U2SURP: variants seen among roughly 807,000 people sequenced by gnomAD.
The protein encoded by U2SURP is U2 snRNP-associated SURP motif-containing protein.
U2SURP carries 9 observed loss-of-function variants against 144.9 expected under a neutral mutation model. That is an observed-to-expected ratio of 0.06 (90% confidence interval 0.04 to 0.11). The LOEUF is 0.11. U2SURP is among the 10% of genes least tolerant of loss of function. The pLI is 1.00. For synonymous variants in U2SURP, 408 were observed against 396.8 expected (o/e 1.03, Z -0.33); for missense variants, 724 against 1,226.7 (o/e 0.59, Z 6.12).
intron 21 of U2SURP, 136 bp downstream of exon 21, chr3:143,037,471 AT>A: frequency 1.1e-6 from 1 of 870,186 alleles, no homozygotes; most frequent in Non-Finnish European, 1.7e-6. Context: ...TCTATTTCTG[AT>A]TTTTTTCAAA....
chr3:143,053,535 A>T (rs1240908098), intron 25 of U2SURP, 141 bp from the exon 26 acceptor site: 5 of 468,364 alleles, frequency 1.1e-5, no homozygotes, highest in South Asian at 5.3e-5. Flanking sequence ...GAAGGGGTAG[A>T]TTTTTTTTTT....
chr3:143,021,648 C>T (rs1936640889), intron 10 of U2SURP, 93 bp downstream of exon 10: 7 of 1,226,442 alleles, frequency 5.7e-6, no homozygotes, highest in African/African-American at 1.5e-5. Flanking sequence ...CTGAAGCTGA[C>T]AAATCTGATG....
chr3:143,054,207 G>C (rs1237391978), intron 26 of U2SURP, among the ~76,000 whole-genome samples: 2 of 152,106 alleles, frequency 1.3e-5, no homozygotes, highest in Non-Finnish European at 2.9e-5. Flanking sequence ...TGTATACATA[G>C]GCCAAAGCTC....
At chr3:143,035,026 G>T in intron 19 of U2SURP, 51 bp downstream of exon 19, 1 of 275,888 alleles carries the variant, frequency 3.6e-6, no homozygotes, top group Non-Finnish European at 7.7e-6. Context: ...ATGGGTGGGG[G>T]GAGGGCATTG....
rs1311819808 is a variant in U2SURP, at chr3:143,058,376, T to C, written c.*1926T>C. The C allele has an allele frequency of 6.6e-6, 1 of 151,750 alleles. No homozygotes were observed. The highest frequency in any genetic ancestry group is 1.5e-5 in the Non-Finnish European group (1 of 67,758). The allele number at this position is 151,750 out of a possible 1,614,324, so 9.4% of individuals were successfully genotyped here. ...TAGAAAATTTTAGGTCAGTTTTGGGTGCTTATTTGTAATATTTTTCCTACT... is the reference window on the plus strand; with the variant it reads ...TAGAAAATTTTAGGTCAGTTTTGGGCGCTTATTTGTAATATTTTTCCTACT... On this transcript the variant is annotated 3_prime_UTR_variant, in exon 28 of 28. Coordinates refer to ENST00000473835, the MANE Select transcript of U2SURP (RefSeq NM_001080415.2).
intron 16 of U2SURP, among the ~76,000 whole-genome samples, chr3:143,029,662 C>G (rs1933366047): frequency 6.6e-6 from 1 of 152,174 alleles, no homozygotes; most frequent in African/African-American, 2.4e-5. Context: ...AAGAGTCTCA[C>G]TTCTCTCACG....
chr3:143,053,190 A>G (rs1934975534), intron 25 of U2SURP, among the ~76,000 whole-genome samples: 1 of 152,100 alleles, frequency 6.6e-6, no homozygotes, highest in African/African-American at 2.4e-5. Flanking sequence ...ACTTATGGAA[A>G]GGGCAGTACA....
Position 143,055,013 on chromosome 3 carries a change from C to A in U2SURP, c.2845C>A (p.Pro949Thr), listed in dbSNP as rs200513999. The A allele has an allele frequency of 6.2e-7, 1 of 1,609,140 alleles. No individual in the cohort carries two copies. Among genetic ancestry groups the A allele is most frequent in the Non-Finnish European group, 8.5e-7 (1 of 1,177,840 alleles). The change falls in exon 27 of 28, where the codon CCA becomes ACA. Residue 949 changes from proline to threonine, a missense_variant. Physicochemically the swap from Pro to Thr is conservative, Grantham distance 38 (BLOSUM62 -1). This residue lies in a region of U2SURP where 129 missense variants were observed against 196.1 expected (regional missense o/e 0.66). Coordinates refer to ENST00000473835, the MANE Select transcript of U2SURP (RefSeq NM_001080415.2). ...TGGTAGACGAGTGAAATCCCCATCA[C>A]CAAAATCGGAGCGATCAGAGCGTTC... ...SSGRRVKSPS[P>T]KSERSERSER...
intron 16 of U2SURP, among the ~76,000 whole-genome samples, chr3:143,029,267 G>T (rs536112419): frequency 6.6e-6 from 1 of 152,274 alleles, no homozygotes; most frequent in Admixed American, 6.5e-5. Context: ...TAGTTTTATT[G>T]CGCTTTGACT....
intron 1 of U2SURP, among the ~76,000 whole-genome samples, chr3:143,008,762 T>A (rs1482367032): frequency 1.3e-5 from 2 of 152,242 alleles, no homozygotes; most frequent in Non-Finnish European, 2.9e-5. Flanking sequence ...GCAATTGAGT[T>A]TTTTTTGTTA....
intron 16 of U2SURP, 32 bp downstream of exon 16, chr3:143,028,678 A>G (rs758041609): frequency 1.0e-5 from 16 of 1,547,670 alleles, no homozygotes; most frequent in Admixed American, 4.4e-5. Context: ...TTATATATTC[A>G]GAAAAGTAAC....
At position 143,026,725 on chromosome 3, in the gene U2SURP, A is replaced by AT. The variant is rs546628895; in HGVS notation, c.1275-412dup. The AT allele has an allele frequency of 5.0e-4, 74 of 148,540 alleles. 2 individuals are homozygous for AT. The South Asian group carries it at 0.012, about 24-fold the overall frequency. 9.2% of individuals were successfully genotyped at this position (148,540 alleles called of 1,614,324 possible). On this transcript the variant is annotated intron_variant, in intron 13 of 27. Transcript: ENST00000473835. ...CACCATAAAAGTGCTTGGTTTAGGA[A>AT]TTTTTTTTTTTTAAACTGAGATAGT...
chr3:143,014,784 T>C (rs1936281109), intron 4 of U2SURP, among the ~76,000 whole-genome samples: 1 of 152,106 alleles, frequency 6.6e-6, no homozygotes, highest in Non-Finnish European at 1.5e-5. Context: ...TTACCTCAAG[T>C]ATATAGAAAT....
intron 1 of U2SURP, 46 bp downstream of exon 1, chr3:143,001,719 G>A: frequency 1.2e-6 from 2 of 1,610,798 alleles, no homozygotes; most frequent in Non-Finnish European, 1.7e-6. Context: ...TACCACTGTC[G>A]TTTGGGGCCC....
intron 24 of U2SURP, among the ~76,000 whole-genome samples, chr3:143,043,720 T>C (rs1934246581): frequency 6.6e-5 from 1 of 15,190 alleles, no homozygotes; most frequent in South Asian, 1.4e-3. Flanking sequence ...ATTATATGTA[T>C]ATATATATAT....
chr3:143,002,495 AT>A (rs1190860496), intron 1 of U2SURP: 1 of 152,220 alleles, frequency 6.6e-6, no homozygotes, highest in Non-Finnish European at 1.5e-5. Flanking sequence ...TGGGCGGGAC[AT>A]TTAATCGTTT....
At chr3:143,013,773 T>C (rs963099899) in intron 3 of U2SURP, among the ~76,000 whole-genome samples, 14 of 152,108 alleles carry the variant, frequency 9.2e-5, no homozygotes, top group Admixed American at 2.0e-4. Context: ...GTAGGTGATA[T>C]TTTAATCCCA....
At chr3:143,031,621 T>C (rs1032689724) in intron 16 of U2SURP, among the ~76,000 whole-genome samples, 1 of 152,250 alleles carries the variant, frequency 6.6e-6, no homozygotes, top group Non-Finnish European at 1.5e-5. Flanking sequence ...TGCTATTGCA[T>C]ACTTAATAGA....
chr3:143,046,395 A>T (rs1438983013), intron 24 of U2SURP, among the ~76,000 whole-genome samples: 7 of 135,884 alleles, frequency 5.2e-5, no homozygotes, highest in Non-Finnish European at 1.1e-4. Context: ...TCATAGGACA[A>T]TAGTGGAGGG....
Sources: allele counts gnomAD v4.1 joint callset (sites outside exome capture counted in the v4.1 genomes callset), GRCh38; gene constraint gnomAD v4.1.1; regional missense constraint gnomAD v4.1.1; transcripts MANE v1.5; gene names NCBI Gene and HGNC (gene_info 2026-07-23, HGNC 2026-07-21).